The following VPS13B variants were observed in gnomAD, a reference collection of about 807,000 sequenced individuals.
VPS13B encodes vacuolar protein sorting 13 homolog B, also known as intermembrane lipid transfer protein VPS13B.
Under a neutral mutation model 426.4 loss-of-function variants are expected in VPS13B, and 285 were observed. The observed-to-expected ratio is 0.67, with a 90% CI of 0.61 to 0.74. The LOEUF is 0.74. VPS13B is among the 30% of genes least tolerant of loss of function. The pLI is 0.00. For missense variants in VPS13B, 4,537 were observed against 4,782.6 expected (o/e 0.95, Z 1.51); for synonymous variants, 1,676 against 1,676.4 (o/e 1.00, Z 0.01).
At chr8:99,376,855 G>A (rs945559707) in intron 19 of VPS13B, among the ~76,000 whole-genome samples, 41 of 151,938 alleles carry the variant, frequency 2.7e-4, no homozygotes, top group African/African-American at 9.4e-4. Context: ...AATATGGCCT[G>A]TACTTAGATG....
chr8:99,725,925 T>G (rs1833329204), intron 39 of VPS13B, among the ~76,000 whole-genome samples: 1 of 152,186 alleles, frequency 6.6e-6, no homozygotes, highest in South Asian at 2.1e-4. Flanking sequence ...CTCCTTAGGT[T>G]TAGTCCTCAA....
chr8:99,274,209 A>G lies in VPS13B; in HGVS notation c.2527A>G (p.Lys843Glu). 6.2e-7 allele frequency: 1 copy of G among 1,614,146 alleles called. No homozygotes were observed. The highest frequency in any genetic ancestry group is 8.5e-7 in the Non-Finnish European group (1 of 1,180,024). Reference protein sequence around the residue: ...EIFLSIGVKSKNPLPTLEGSI... With the variant: ...EIFLSIGVKSENPLPTLEGSI... ...TTTTCTTTTATTAGGTGTGAAATCT[A>G]AGAATCCCCTGCCAACTCTTGAGGG... The change falls in exon 18 of 62, where the codon AAG (lysine) becomes GAG (glutamate). Residue 843 changes from lysine to glutamate, a missense_variant. This residue lies in a region of VPS13B where 4,311 missense variants were observed against 4,474.3 expected (regional missense o/e 0.96). Coordinates refer to ENST00000357162, the MANE Select transcript of VPS13B (RefSeq NM_152564.5).
At chr8:99,097,338 T>G (rs772225476) in intron 4 of VPS13B, among the ~76,000 whole-genome samples, 10 of 152,210 alleles carry the variant, frequency 6.6e-5, no homozygotes, top group Non-Finnish European at 1.3e-4. Context: ...CATTTTAATT[T>G]GACTGAATTT....
chr8:99,020,572 T>C (rs1158773373), intron 2 of VPS13B, among the ~76,000 whole-genome samples: 1 of 152,250 alleles, frequency 6.6e-6, no homozygotes, highest in African/African-American at 2.4e-5. Context: ...TCTAATGTCA[T>C]GAAGGTTTTC....
intron 39 of VPS13B, among the ~76,000 whole-genome samples, chr8:99,733,164 A>G (rs994064642): frequency 6.6e-6 from 1 of 152,254 alleles, no homozygotes; most frequent in Non-Finnish European, 1.5e-5. Context: ...TCTGTCAAAT[A>G]GAAGTATTTG....
intron 61 of VPS13B, among the ~76,000 whole-genome samples, chr8:99,873,491 G>A (rs1817537673): frequency 6.6e-6 from 1 of 152,208 alleles, no homozygotes; most frequent in Non-Finnish European, 1.5e-5. Context: ...TAAAACAGAA[G>A]TGGGAAGACA....
chr8:99,448,304 A>G (rs1818028705), intron 23 of VPS13B, among the ~76,000 whole-genome samples: 1 of 152,032 alleles, frequency 6.6e-6, no homozygotes, highest in South Asian at 2.1e-4. Flanking sequence ...CATAATCAAC[A>G]TTGAAACATG....
chr8:99,374,972 T>C (rs1813404589), intron 19 of VPS13B, among the ~76,000 whole-genome samples: 1 of 152,152 alleles, frequency 6.6e-6, no homozygotes, highest in African/African-American at 2.4e-5. Context: ...AGGTTTAGAG[T>C]ACGCATGAGA....
chr8:99,080,734 G>A (rs1281577785), intron 3 of VPS13B, among the ~76,000 whole-genome samples: 1 of 152,202 alleles, frequency 6.6e-6, no homozygotes, highest in Non-Finnish European at 1.5e-5. Flanking sequence ...GTTTAAGGCT[G>A]TTCTAGAAGA....
chr8:99,784,776 T>G (rs1471750666), intron 43 of VPS13B, among the ~76,000 whole-genome samples: 2 of 152,144 alleles, frequency 1.3e-5, no homozygotes, highest in Non-Finnish European at 2.9e-5. Flanking sequence ...CTACTTTCTG[T>G]TCTTCAGTTT....
intron 19 of VPS13B, among the ~76,000 whole-genome samples, chr8:99,355,846 A>C (rs1005248941): frequency 6.6e-6 from 1 of 152,108 alleles, no homozygotes; most frequent in African/African-American, 2.4e-5. Context: ...TAATTATTAT[A>C]ATTATACTTG....
intron 19 of VPS13B, among the ~76,000 whole-genome samples, chr8:99,280,866 C>G (rs1819136930): frequency 6.6e-6 from 1 of 151,840 alleles, no homozygotes; most frequent in South Asian, 2.1e-4. Flanking sequence ...TTTTTTTCAC[C>G]CTTCCTTTCA....
At chr8:99,077,392 A>T (rs1845190057) in intron 3 of VPS13B, among the ~76,000 whole-genome samples, 1 of 151,180 alleles carries the variant, frequency 6.6e-6, no homozygotes, top group African/African-American at 2.4e-5. Context: ...CTGGTCTCGA[A>T]CTCCCGACTT....
At chr8:99,803,019 TA>T in intron 43 of VPS13B, among the ~76,000 whole-genome samples, 1 of 152,232 alleles carries the variant, frequency 6.6e-6, no homozygotes, top group African/African-American at 2.4e-5. Context: ...AAGCTGTTTT[TA>T]TTTTTACTGT....
intron 15 of VPS13B, among the ~76,000 whole-genome samples, chr8:99,167,513 A>T (rs1055900720): frequency 2.0e-5 from 3 of 152,018 alleles, no homozygotes; most frequent in African/African-American, 7.2e-5. Context: ...GTCATTTACA[A>T]TTAGCATGTG....
chr8:99,360,430 A>G (rs1017293658), intron 19 of VPS13B, among the ~76,000 whole-genome samples: 2 of 150,834 alleles, frequency 1.3e-5, no homozygotes, highest in African/African-American at 4.9e-5. Context: ...GGTGCCCACC[A>G]CCTGCCCGGC....
chr8:99,168,209 A>C (rs1812121458), intron 15 of VPS13B, among the ~76,000 whole-genome samples: 1 of 152,138 alleles, frequency 6.6e-6, no homozygotes, highest in Admixed American at 6.5e-5. Context: ...CACCTGGTTG[A>C]ATGTTTTCTT....
chr8:99,622,509 A>T (rs1385683411), intron 33 of VPS13B, among the ~76,000 whole-genome samples: 1 of 152,232 alleles, frequency 6.6e-6, no homozygotes, highest in African/African-American at 2.4e-5. Flanking sequence ...CCTGTAATGG[A>T]TACAAGGTAT....
chr8:99,653,274 G>A (rs550617395), intron 34 of VPS13B, among the ~76,000 whole-genome samples: 18 of 152,166 alleles, frequency 1.2e-4, no homozygotes, highest in African/African-American at 3.9e-4. Flanking sequence ...TTTTAGACAC[G>A]AGGAAAAGAT....
Sources: gnomAD v4.1 joint callset for allele counts (sites outside exome capture counted in the v4.1 genomes callset) on GRCh38, gnomAD v4.1.1 for gene constraint, gnomAD v4.1.1 regional missense constraint, MANE v1.5 for transcripts, NCBI Gene and HGNC (gene_info 2026-07-23, HGNC 2026-07-21) for gene names.